The following RNF20 variants were observed in gnomAD, a reference collection of about 807,000 sequenced individuals.
RNF20 encodes the protein ring finger protein 20, also known as E3 ubiquitin-protein ligase BRE1A.
In RNF20, 84 loss-of-function variants were observed where a neutral mutation model predicts 126.2. That is an observed-to-expected ratio of 0.67 (90% CI 0.56 to 0.80). The LOEUF is 0.80. Among genes scored for constraint, RNF20 ranks in the 30% least tolerant of loss-of-function variants. The pLI is 0.00. For synonymous variants in RNF20, 400 were observed against 414.3 expected (o/e 0.97, Z 0.42); for missense variants, 869 against 1,188.2 (o/e 0.73, Z 3.95).
chr9:101,543,375 G>GGCACTGTCTAACCCTGCCAGGGCC lies in RNF20; in HGVS notation c.629-1379_629-1378insCTGCCAGGGCCGCACTGTCTAACC, dbSNP rs1564108002. On this transcript the variant is annotated intron_variant, in intron 5 of 19. Transcript: ENST00000389120. ...CGGCACTGTCTAACCCTGCCAGGGCGGCACTGTCTAACCTGCCAGAGCGGC... is the reference window on the plus strand; with the variant it reads ...CGGCACTGTCTAACCCTGCCAGGGCGGCACTGTCTAACCCTGCCAGGGCCGCACTGTCTAACCTGCCAGAGCGGC... Among the ~76,000 whole-genome samples, 9 of 149,850 alleles carry GGCACTGTCTAACCCTGCCAGGGCC rather than the reference G, an allele frequency of 6.0e-5. No homozygotes were observed. In the East Asian group the frequency reaches 1.6e-3, roughly 26 times the overall value.
chr9:101,539,982 T>C (rs1254421605), intron 2 of RNF20, among the ~76,000 whole-genome samples: 4 of 152,164 alleles, frequency 2.6e-5, no homozygotes, highest in African/African-American at 4.8e-5. Flanking sequence ...CGAGATGGGT[T>C]GAGGTTCTGG....
chr9:101,559,649 A>T (rs1353242234), intron 16 of RNF20, among the ~76,000 whole-genome samples: 1 of 151,050 alleles, frequency 6.6e-6, no homozygotes, highest in Non-Finnish European at 1.5e-5. Flanking sequence ...ATTTTATTTT[A>T]TTTTTTTTGC....
Position 101,550,596 on chromosome 9 carries a change from C to A in RNF20, c.1093-10C>A. The A allele has an allele frequency of 6.2e-7, 1 of 1,607,798 alleles. No individual in the cohort carries two copies. The highest frequency in any genetic ancestry group is 8.5e-7 in the Non-Finnish European group (1 of 1,176,268). The stretch of plus-strand genomic sequence containing the variant: ...ATTCTGCTTCTGACTTTGCTTTGGG[C>A]CCTCCTAAGGTGGAATTGCGGAGTG... On this transcript the variant is annotated splice_polypyrimidine_tract_variant and intron_variant, in intron 9 of 19. Coordinates refer to ENST00000389120, the MANE Select transcript of RNF20 (RefSeq NM_019592.7).
At position 101,562,382 on chromosome 9, in the gene RNF20, C is replaced by T; in HGVS notation, c.2888C>T (p.Ala963Val). The T allele has an allele frequency of 6.2e-7, 1 of 1,613,926 alleles. No individual in the cohort carries two copies. The highest frequency in any genetic ancestry group is 1.1e-5 in the South Asian group (1 of 91,070). Residue 963 changes from alanine (A) to valine (V), a missense_variant, in exon 20 of 20, where the codon GCT becomes GTT. Ala to Val is a moderately conservative substitution (Grantham distance 64). Around this residue, in one of 8 missense-constraint regions of RNF20, gnomAD observed 36 missense variants for 85.6 expected, o/e 0.42. Coordinates refer to ENST00000389120, the MANE Select transcript of RNF20 (RefSeq NM_019592.7). Reference sequence around the variant, plus strand: ...CGCAAATGTCCCAAGTGTAATGCTGCTTTTGGTGCCAATGATTTTCATCGC... The same window carrying T: ...CGCAAATGTCCCAAGTGTAATGCTGTTTTTGGTGCCAATGATTTTCATCGC... ...RQRKCPKCNAAFGANDFHRIY... is the reference protein window; with the variant it reads ...RQRKCPKCNAVFGANDFHRIY...
In RNF20 at chr9:101,557,580, T is replaced by C. The variant is rs919672506; in HGVS notation, c.2366T>C (p.Leu789Ser). The change falls in exon 16 of 20, where the codon TTG (leucine) becomes TCG (serine). Residue 789 changes from leucine (L) to serine (S), a missense_variant. Coordinates refer to ENST00000389120, the MANE Select transcript of RNF20 (RefSeq NM_019592.7). ...AAGGAGGAGCTGGCAGACCAGGTGT[T>C]GACTCTGAAGACTCAGGTAATTAGG... ...EEKEELADQV[L>S]TLKTQVDAQL... 2.5e-6 allele frequency: 4 copies of C among 1,613,486 alleles called. No individual in the cohort carries two copies. The highest frequency in any genetic ancestry group is 3.4e-6 in the Non-Finnish European group (4 of 1,179,588).
intron 2 of RNF20, among the ~76,000 whole-genome samples, chr9:101,537,089 T>A (rs1827196764): frequency 6.6e-6 from 1 of 152,024 alleles, no homozygotes; most frequent in Non-Finnish European, 1.5e-5. Flanking sequence ...AAAAACTGAG[T>A]CTCCAAAGTG....
rs12238569 is a variant in RNF20 at position 101,562,463 on chromosome 9, T to C, written c.*41T>C. 140 of 1,564,870 alleles carry C rather than the reference T, an allele frequency of 8.9e-5. No individual in the cohort carries two copies. In the East Asian group the frequency reaches 3.1e-3, roughly 35 times the overall value. On this transcript the variant is annotated 3_prime_UTR_variant, in exon 20 of 20. Coordinates refer to ENST00000389120, the MANE Select transcript of RNF20 (RefSeq NM_019592.7). ...GAAGAGGAGCTGGCTAGTCAGGAAC[T>C]TATTCATTAACCACCAAACCTCTAC...
intron 16 of RNF20, among the ~76,000 whole-genome samples, chr9:101,558,006 CTT>C (rs200617735): frequency 5.8e-4 from 74 of 127,556 alleles, no homozygotes; most frequent in Non-Finnish European, 6.6e-4. Flanking sequence ...TGTGATTTTA[CTT>C]TTTTTTTTTT....
chr9:101,551,341 T>A (rs1010358445), intron 10 of RNF20, among the ~76,000 whole-genome samples: 2 of 152,204 alleles, frequency 1.3e-5, no homozygotes, highest in African/African-American at 2.4e-5. Context: ...AGATAGAAAC[T>A]TTTATTCATA....
intron 8 of RNF20, 50 bp from the exon 9 acceptor site, chr9:101,547,349 T>C (rs935932643): frequency 1.2e-6 from 2 of 1,610,422 alleles, no homozygotes; most frequent in Admixed American, 1.7e-5. Flanking sequence ...AGCTTAGAAA[T>C]GATTTAAGAA....
In RNF20 at chr9:101,547,491, G is replaced by C. The variant is rs1252877995; in HGVS notation, c.1065G>C (p.Glu355Asp). The change falls in exon 9 of 20, where the codon GAG becomes GAC. Residue 355 changes from glutamate (E) to aspartate (D), a missense_variant. Physicochemically the swap from Glu to Asp is conservative, Grantham distance 45 (BLOSUM62 2). Coordinates refer to ENST00000389120, the MANE Select transcript of RNF20 (RefSeq NM_019592.7). Reference sequence around the variant, plus strand: ...AGAAACTTCGGCAAGACTTTGAGGAGGTCACTACACAAAATGAAAAGCTGA... The same window carrying C: ...AGAAACTTCGGCAAGACTTTGAGGACGTCACTACACAAAATGAAAAGCTGA... ...ELEKLRQDFE[E>D]VTTQNEKLKV... 6.2e-7 allele frequency: 1 copy of C among 1,614,116 alleles called. No homozygotes were observed. The highest frequency in any genetic ancestry group is 1.1e-5 in the South Asian group (1 of 91,078).
chr9:101,541,677 G>A (rs1332669499), intron 5 of RNF20, among the ~76,000 whole-genome samples: 1 of 152,028 alleles, frequency 6.6e-6, no homozygotes. Flanking sequence ...TTAATTATTA[G>A]TTACAGAATT....
Position 101,552,079 on chromosome 9 carries a change from T to C in RNF20, c.1409-62T>C, listed in dbSNP as rs1196282688. On this transcript the variant is annotated intron_variant, in intron 11 of 19. Coordinates refer to ENST00000389120, the MANE Select transcript of RNF20 (RefSeq NM_019592.7). ...GTGCCTCCTGATGTGTTCTGTTCTT[T>C]CTCTCCTTGTGCCTTTGCCCTTACC... 5.0e-6 allele frequency: 8 copies of C among 1,604,958 alleles called. No homozygotes were observed. In the Admixed American group the frequency reaches 1.3e-4, roughly 27 times the overall value.
In RNF20 at chr9:101,535,441, T is replaced by G. The variant is rs1239210979; in HGVS notation, c.18T>G (p.Asn6Lys). The G allele has an allele frequency of 1.9e-6, 3 of 1,612,990 alleles. No individual in the cohort carries two copies. In the Admixed American group the frequency reaches 5.0e-5, roughly 27 times the overall value. The change falls in exon 2 of 20, where the codon AAT (asparagine) becomes AAG (lysine). Residue 6 changes from asparagine to lysine, a missense_variant. Around this residue, in one of 8 missense-constraint regions of RNF20, gnomAD observed 157 missense variants for 236.0 expected, o/e 0.67. Coordinates refer to ENST00000389120, the MANE Select transcript of RNF20 (RefSeq NM_019592.7). MSGIGNKRAAGEPGTS... is the reference protein window; with the variant it reads MSGIGKKRAAGEPGTS... ...CTGCCAAAATGTCAGGAATTGGAAA[T>G]AAAAGAGCAGCTGGAGAACCTGGCA...
At chr9:101,549,735 A>G (rs1827411795) in intron 9 of RNF20, among the ~76,000 whole-genome samples, 1 of 152,202 alleles carries the variant, frequency 6.6e-6, no homozygotes, top group Non-Finnish European at 1.5e-5. Context: ...GTCTGGGCAT[A>G]ACAGAAGGCT....
At position 101,547,396 on chromosome 9, in the gene RNF20, C is replaced by T. The variant is rs754257947; in HGVS notation, c.973-3C>T. On this transcript the variant is annotated splice_polypyrimidine_tract_variant and splice_region_variant and intron_variant, in intron 8 of 19. Transcript: ENST00000389120. The stretch of plus-strand genomic sequence containing the variant: ...TATTCTCTATTTTTCTGCTTCTCTG[C>T]AGTTTGAGGAAATGAATGCAGAGCT... The T allele has an allele frequency of 6.2e-7, 1 of 1,613,890 alleles. No homozygotes were observed. Among genetic ancestry groups the T allele is most frequent in the African/African-American group, 1.3e-5 (1 of 75,010 alleles).
At chr9:101,548,046 A>G (rs1440761837) in intron 9 of RNF20, among the ~76,000 whole-genome samples, 1 of 152,246 alleles carries the variant, frequency 6.6e-6, no homozygotes, top group Non-Finnish European at 1.5e-5. Context: ...AAAGAAATTA[A>G]GAAAACAATC....
In RNF20 at chr9:101,552,425, A is replaced by G; in HGVS notation, c.1573A>G (p.Ser525Gly). The change falls in exon 13 of 20, where the codon AGT becomes GGT. Residue 525 changes from serine (S) to glycine (G), a missense_variant. By Grantham distance (56) the Ser-to-Gly change is moderately conservative. Transcript: ENST00000389120. Reference sequence around the variant, plus strand: ...TAGTGCCCTCCTGCAGTCCCAGTCTAGTACTGAGGACCCGAAGGATGAGCC... The same window carrying G: ...TAGTGCCCTCCTGCAGTCCCAGTCTGGTACTGAGGACCCGAAGGATGAGCC... ...SGSALLQSQS[S>G]TEDPKDEPAE... The G allele has an allele frequency of 1.9e-6, 3 of 1,610,866 alleles. No homozygotes were observed. The highest frequency in any genetic ancestry group is 2.5e-6 in the Non-Finnish European group (3 of 1,177,554).
chr9:101,553,314 C>G (rs1349332785), intron 13 of RNF20, among the ~76,000 whole-genome samples: 1 of 152,170 alleles, frequency 6.6e-6, no homozygotes, highest in Non-Finnish European at 1.5e-5. Flanking sequence ...TAACCAATAA[C>G]TTCTCTGGCA....
Sources: allele counts gnomAD v4.1 joint callset (sites outside exome capture counted in the v4.1 genomes callset), GRCh38; gene constraint gnomAD v4.1.1; regional missense constraint gnomAD v4.1.1; transcripts MANE v1.5; gene names NCBI Gene and HGNC (gene_info 2026-07-23, HGNC 2026-07-21).